SLC41A1: variants seen among roughly 807,000 people sequenced by gnomAD.
The protein encoded by SLC41A1 is solute carrier family 41 member 1.
Under a neutral mutation model 47.3 loss-of-function variants are expected in SLC41A1, and 20 were observed. The ratio of observed to expected loss-of-function variants is 0.42; its 90% CI spans 0.30 to 0.61. The LOEUF (loss-of-function observed/expected upper bound fraction) is 0.61. SLC41A1 is among the 20% of genes least tolerant of loss of function. SLC41A1 has a pLI of 0.17. For missense variants in SLC41A1, 504 were observed against 674.1 expected (o/e 0.75, Z 2.79); for synonymous variants, 282 against 272.7 (o/e 1.03, Z -0.34).
chr1:205,802,594 G>A (rs1462772756), intron 2 of SLC41A1, among the ~76,000 whole-genome samples: 3 of 151,940 alleles, frequency 2.0e-5, no homozygotes, highest in Admixed American at 2.0e-4. Flanking sequence ...GCACATGCTT[G>A]TAATCCCAAG....
chr1:205,797,347 T>C (rs566760147), intron 7 of SLC41A1, among the ~76,000 whole-genome samples: 3 of 152,332 alleles, frequency 2.0e-5, no homozygotes, highest in East Asian at 1.9e-4. Flanking sequence ...TTTCTGGTGA[T>C]AGCACTGGGC....
intron 1 of SLC41A1, among the ~76,000 whole-genome samples, chr1:205,812,281 C>T (rs186983524): frequency 5.9e-5 from 9 of 152,332 alleles, no homozygotes; most frequent in Admixed American, 3.9e-4. Flanking sequence ...AGGTATCAAA[C>T]CCCAGGAACT....
At chr1:205,792,932 CCT>C (rs914498953) in intron 10 of SLC41A1, among the ~76,000 whole-genome samples, 7 of 149,936 alleles carry the variant, frequency 4.7e-5, no homozygotes, top group Non-Finnish European at 7.4e-5. Context: ...GCTCTCCTGT[CCT>C]CTCTCTTTTT....
chr1:205,800,876 T>C (rs1010008922), intron 3 of SLC41A1, 77 bp downstream of exon 3: 78 of 1,344,440 alleles, frequency 5.8e-5, no homozygotes, highest in Non-Finnish European at 1.6e-5. Context: ...GAAGGGCTCG[T>C]AGCCCTCTCC....
At chr1:205,794,277 T>C (rs1032424531) in intron 10 of SLC41A1, among the ~76,000 whole-genome samples, 44 of 152,180 alleles carry the variant, frequency 2.9e-4, no homozygotes, top group African/African-American at 8.9e-4. Flanking sequence ...TGGAGGGAAA[T>C]TGGGTAATGG....
At chr1:205,796,719 C>T (rs2102502504) in intron 8 of SLC41A1, 1 of 614,560 alleles carries the variant, frequency 1.6e-6, no homozygotes, top group Non-Finnish European at 2.9e-6. Flanking sequence ...CTGCTAATCT[C>T]TCGGTGCCTC....
rs548791229 is a variant in SLC41A1 at position 205,808,627 on chromosome 1, C to T, written c.372+1443G>A. On this transcript the variant is annotated intron_variant, in intron 2 of 10. Transcript: ENST00000367137. ...AGAAAAATGTTACCCTAGTCTCTTT[C>T]TCCTCCTCCTACTGTCCCAGTCCCG... is the stretch of plus-strand genomic sequence containing the variant. Among the ~76,000 whole-genome samples, 3 of 152,360 alleles carry T rather than the reference C, an allele frequency of 2.0e-5. No homozygotes were observed. In the South Asian group the frequency reaches 6.2e-4, roughly 32 times the overall value.
Position 205,790,353 on chromosome 1 carries a change from A to G in SLC41A1, c.*1180T>C, listed in dbSNP as rs1655594554. ...CCTAACACATAGTAGGCACTCAATA[A>G]ATATTGCTCAAAGAATGTTTCAGAC... On this transcript the variant is annotated 3_prime_UTR_variant, in exon 11 of 11. Transcript: ENST00000367137. The G allele has an allele frequency of 6.6e-6, 1 of 152,208 alleles. No individual in the cohort carries two copies. Among genetic ancestry groups the G allele is most frequent in the Non-Finnish European group, 1.5e-5 (1 of 68,036 alleles). 9.4% of individuals were successfully genotyped at this position (152,208 alleles called of 1,614,324 possible).
chr1:205,804,481 C>G (rs1167700982), intron 2 of SLC41A1, among the ~76,000 whole-genome samples: 1 of 152,166 alleles, frequency 6.6e-6, no homozygotes, highest in Non-Finnish European at 1.5e-5. Flanking sequence ...CAGCCCTCTC[C>G]AAACACTGAA....
chr1:205,799,691 C>A (rs1409558108), intron 4 of SLC41A1, 68 bp downstream of exon 4: 23 of 1,549,892 alleles, frequency 1.5e-5, no homozygotes, highest in Non-Finnish European at 1.9e-5. Context: ...TGGGGCTGAC[C>A]TAAGCCTTTC....
chr1:205,795,484 G>C lies in SLC41A1; in HGVS notation c.1073-6C>G, dbSNP rs1655727022. ...CACCAGATTGCCCCCAACACCTGCA[G>C]AGACACATACGGGCTTAGACACAGA... is the stretch of plus-strand genomic sequence containing the variant. On this transcript the variant is annotated splice_polypyrimidine_tract_variant and splice_region_variant and intron_variant, in intron 8 of 10. Transcript: ENST00000367137. 4 of 1,614,174 alleles carry C rather than the reference G, an allele frequency of 2.5e-6. No homozygotes were observed. In the South Asian group the frequency reaches 4.4e-5, roughly 18 times the overall value.
intron 10 of SLC41A1, among the ~76,000 whole-genome samples, chr1:205,793,011 T>G (rs708726): frequency 0.62 from 94,438 of 151,844 alleles, 31,659 homozygotes; most frequent in Non-Finnish European, 0.76. Context: ...CAGAGATGAC[T>G]CTTCACATTC....
chr1:205,802,057 G>T (rs1228416809), intron 2 of SLC41A1, among the ~76,000 whole-genome samples: 1 of 152,216 alleles, frequency 6.6e-6, no homozygotes, highest in East Asian at 1.9e-4. Flanking sequence ...GTTTAGGATT[G>T]TGTCTCCCTC....
Position 205,810,763 on chromosome 1 carries a change from T to C in SLC41A1, c.-322A>G. The C allele has an allele frequency of 2.5e-6, 1 of 393,728 alleles. No homozygotes were observed. 24.4% of individuals were successfully genotyped at this position (393,728 alleles called of 1,614,324 possible). A position where few individuals can be genotyped will look rare whatever the true frequency, so the allele number is the denominator to read the frequency against. ...TCTGTCCTCTTATCTTCTTTGGTTC[T>C]CAGTGGCAGGCTCCTCAGAGCAGGG... On this transcript the variant is annotated 5_prime_UTR_variant, in exon 2 of 11. Coordinates refer to ENST00000367137, the MANE Select transcript of SLC41A1 (RefSeq NM_173854.6). This position sits in a 1 kb window ranked among gnomAD's most constrained non-coding sequence, Gnocchi z 5.5.
intron 8 of SLC41A1, 53 bp from the exon 9 acceptor site, chr1:205,795,531 G>T: frequency 6.2e-7 from 1 of 1,600,384 alleles, no homozygotes; most frequent in East Asian, 2.2e-5. Flanking sequence ...GGGAGGAGTG[G>T]GAACAAAATG....
At chr1:205,801,241 A>C in intron 2 of SLC41A1, 181 bp from the exon 3 acceptor site, 1 of 592,604 alleles carries the variant, frequency 1.7e-6, no homozygotes. Context: ...TTCAAACAAC[A>C]CAACCCCCCT....
In SLC41A1 at chr1:205,799,628, A is replaced by G. The variant is rs972952119; in HGVS notation, c.552+131T>C. 3 of 993,712 alleles carry G rather than the reference A, an allele frequency of 3.0e-6. No individual in the cohort carries two copies. In the Admixed American group the frequency reaches 6.0e-5, roughly 20 times the overall value. 61.6% of individuals were successfully genotyped at this position (993,712 alleles called of 1,614,324 possible). A position where few individuals can be genotyped will look rare whatever the true frequency, so the allele number is the denominator to read the frequency against. On this transcript the variant is annotated intron_variant, in intron 4 of 10. Transcript: ENST00000367137. The stretch of plus-strand genomic sequence containing the variant: ...GGTAACCTAGTTACCTCCTAGAGCT[A>G]CTCTGGGGGAAGCCAGCTCAGTGGG...
rs1012913451 is a variant in SLC41A1, at chr1:205,790,797, G to A, written c.*736C>T. Reference sequence around the variant, plus strand: ...TTGGGGAACCAATAGGTGGACATGGGTCAACAGGGAGAAGAGTGCACTGTT... The same window carrying A: ...TTGGGGAACCAATAGGTGGACATGGATCAACAGGGAGAAGAGTGCACTGTT... On this transcript the variant is annotated 3_prime_UTR_variant, in exon 11 of 11. Transcript: ENST00000367137. 6.6e-6 allele frequency: 1 copy of A among 152,492 alleles called. No homozygotes were observed. The highest frequency in any genetic ancestry group is 1.9e-4 in the East Asian group (1 of 5,200). 9.4% of individuals were successfully genotyped at this position (152,492 alleles called of 1,614,324 possible).
Position 205,796,323 on chromosome 1 carries a change from C to T in SLC41A1, c.1072+601G>A, listed in dbSNP as rs560353905. ...TGAATATAGTTTGTCCCCAACAAAA[C>T]TCATGTTGTGGCTTGGTCCCCAAAT... On this transcript the variant is annotated intron_variant, in intron 8 of 10. Transcript: ENST00000367137. 73 of 167,438 alleles carry T rather than the reference C, an allele frequency of 4.4e-4. No individual in the cohort carries two copies. The South Asian group carries it at 0.011, about 26-fold the overall frequency. The allele number at this position is 167,438 out of a possible 1,614,324, so 10.4% of individuals were successfully genotyped here.
Sources: gnomAD v4.1 joint callset for allele counts (sites outside exome capture counted in the v4.1 genomes callset) on GRCh38, gnomAD v4.1.1 for gene constraint, Gnocchi (gnomAD v3.1) non-coding constraint, MANE v1.5 for transcripts, NCBI Gene and HGNC (gene_info 2026-07-23, HGNC 2026-07-21) for gene names.